The following TBCK variants were observed in gnomAD, a reference collection of about 807,000 sequenced individuals.
TBCK encodes the protein TBC domain-containing protein kinase-like protein.
A neutral mutation model predicts 113.4 loss-of-function variants in TBCK; 99 were observed. The observed-to-expected ratio is 0.87, with a 90% CI of 0.74 to 1.03. The LOEUF is 1.03. Among genes scored for constraint, TBCK ranks in the 50% least tolerant of loss-of-function variants. The pLI is 0.00. For missense variants in TBCK, 1,045 were observed against 1,061.3 expected (o/e 0.98, Z 0.21); for synonymous variants, 369 against 370.8 (o/e 1.00, Z 0.05).
intron 23 of TBCK, among the ~76,000 whole-genome samples, chr4:106,131,923 A>G (rs2149623159): frequency 6.6e-6 from 1 of 152,336 alleles, no homozygotes; most frequent in East Asian, 1.9e-4. Context: ...AGAGACTGGC[A>G]GCATTTGCCC....
At chr4:106,247,325 CAT>C (rs780771484) in intron 9 of TBCK, 38 bp from the exon 10 acceptor site, 1 of 1,593,826 alleles carries the variant, frequency 6.3e-7, no homozygotes, top group Non-Finnish European at 8.6e-7. Context: ...GAATGAAAGT[CAT>C]AAAAAATTTC....
intron 22 of TBCK, among the ~76,000 whole-genome samples, chr4:106,184,857 T>C (rs1752827193): frequency 6.6e-6 from 1 of 152,092 alleles, no homozygotes; most frequent in Admixed American, 6.6e-5. Context: ...TGCAATACAT[T>C]ACTGATATAT....
intron 23 of TBCK, among the ~76,000 whole-genome samples, chr4:106,120,907 T>G (rs1278539186): frequency 1.3e-5 from 2 of 152,092 alleles, no homozygotes; most frequent in Non-Finnish European, 2.9e-5. Context: ...AACGCAGAGC[T>G]CCTCTCCTCC....
Position 106,139,851 on chromosome 4 carries a change from C to T in TBCK, c.2236-23473G>A, listed in dbSNP as rs1746985871. On this transcript the variant is annotated intron_variant, in intron 23 of 25. Coordinates refer to ENST00000394708, the MANE Select transcript of TBCK (RefSeq NM_001163435.3). ...GCATCTCAGGGGTAAGCTAATTATT[C>T]ATTTAAGCTCTGAATAAAGTTCTAC... is the stretch of plus-strand genomic sequence containing the variant. 1.4e-5 allele frequency among the ~76,000 whole-genome samples: 2 copies of T among 140,672 alleles called. 1 individual carries two copies. The highest frequency in any genetic ancestry group is 3.2e-5 in the Non-Finnish European group (2 of 61,926). 92.3% of individuals were successfully genotyped at this position (140,672 alleles called of 152,430 possible).
intron 20 of TBCK, among the ~76,000 whole-genome samples, chr4:106,197,070 C>T (rs923608740): frequency 6.6e-6 from 1 of 151,944 alleles, no homozygotes; most frequent in Non-Finnish European, 1.5e-5. Flanking sequence ...GAGAGTGGTA[C>T]CTGAGAGAGG....
chr4:106,075,900 A>C (rs1212542269), intron 25 of TBCK, among the ~76,000 whole-genome samples: 1 of 152,236 alleles, frequency 6.6e-6, no homozygotes, highest in South Asian at 2.1e-4. Context: ...GAACACTGTG[A>C]TCTGTGAAAG....
chr4:106,168,375 A>G (rs1295396091), intron 23 of TBCK, among the ~76,000 whole-genome samples: 5 of 151,838 alleles, frequency 3.3e-5, no homozygotes, highest in African/African-American at 1.2e-4. Context: ...ACAAAAACCT[A>G]CAGCTCACAC....
At position 106,045,601 on chromosome 4, in the gene TBCK, G is replaced by A. The variant is rs1328448439; in HGVS notation, c.*969C>T. On this transcript the variant is annotated 3_prime_UTR_variant, in exon 26 of 26. Transcript: ENST00000394708. ...TCTGGCCAATGATATGTAAGCAGAG[G>A]TAGTGTGCGCAACTTCTGGTTTATG... is the stretch of plus-strand genomic sequence containing the variant. The A allele has an allele frequency of 6.6e-6, 1 of 152,174 alleles. No homozygotes were observed. The highest frequency in any genetic ancestry group is 1.9e-4 in the East Asian group (1 of 5,188). 9.4% of individuals were successfully genotyped at this position (152,174 alleles called of 1,614,324 possible).
chr4:106,218,953 A>G (rs1757332393), intron 19 of TBCK, among the ~76,000 whole-genome samples: 1 of 152,054 alleles, frequency 6.6e-6, no homozygotes, highest in South Asian at 2.1e-4. Flanking sequence ...CACGATAGCA[A>G]AGACTTGGAA....
At chr4:106,228,726 T>C (rs1758507081) in intron 19 of TBCK, among the ~76,000 whole-genome samples, 1 of 151,940 alleles carries the variant, frequency 6.6e-6, no homozygotes, top group Admixed American at 6.6e-5. Context: ...GATATCTCTC[T>C]GACACTCATT....
chr4:106,176,351 T>C lies in TBCK; in HGVS notation c.2060-5081A>G, dbSNP rs193063305. 5.9e-5 allele frequency among the ~76,000 whole-genome samples: 9 copies of C among 152,148 alleles called. 1 individual carries two copies. The East Asian group carries it at 1.7e-3, about 30-fold the overall frequency. On this transcript the variant is annotated intron_variant, in intron 22 of 25. Coordinates refer to ENST00000394708, the MANE Select transcript of TBCK (RefSeq NM_001163435.3). ...CCCCCAGCCCATTCTTCTTAGCCTC[T>C]AGCAACTATCAATCTACTCTCAACC...
chr4:106,068,510 G>A (rs182092064), intron 25 of TBCK, among the ~76,000 whole-genome samples: 133 of 152,176 alleles, frequency 8.7e-4, no homozygotes, highest in Non-Finnish European at 1.3e-3. Flanking sequence ...AATATTTCAT[G>A]GTGTATATGT....
intron 24 of TBCK, among the ~76,000 whole-genome samples, chr4:106,110,164 C>T (rs1278208090): frequency 7.2e-5 from 11 of 152,242 alleles, no homozygotes; most frequent in African/African-American, 2.7e-4. Context: ...ATGCCAGCAG[C>T]ACCAGCTTGT....
At chr4:106,252,233 C>T (rs1410220866) in intron 5 of TBCK, among the ~76,000 whole-genome samples, 1 of 151,992 alleles carries the variant, frequency 6.6e-6, no homozygotes, top group Non-Finnish European at 1.5e-5. Flanking sequence ...TCATGTCTCC[C>T]TCCAGCATTA....
At chr4:106,174,167 C>T (rs533152689) in intron 22 of TBCK, among the ~76,000 whole-genome samples, 1 of 152,040 alleles carries the variant, frequency 6.6e-6, no homozygotes, top group Non-Finnish European at 1.5e-5. Flanking sequence ...AGCTATTGTC[C>T]TGGAACTTCT....
At chr4:106,222,206 T>A (rs1757776891) in intron 19 of TBCK, among the ~76,000 whole-genome samples, 1 of 152,052 alleles carries the variant, frequency 6.6e-6, no homozygotes, top group African/African-American at 2.4e-5. Context: ...TTGTAAAACC[T>A]TATAACTTTT....
chr4:106,065,853 T>A (rs1448261916), intron 25 of TBCK, among the ~76,000 whole-genome samples: 1 of 152,060 alleles, frequency 6.6e-6, no homozygotes, highest in Non-Finnish European at 1.5e-5. Flanking sequence ...ACATGGTACC[T>A]TAAGTAAACT....
chr4:106,171,958 G>A (rs1219102972), intron 22 of TBCK, among the ~76,000 whole-genome samples: 1 of 152,006 alleles, frequency 6.6e-6, no homozygotes, highest in Non-Finnish European at 1.5e-5. Flanking sequence ...AGCCTTCCTA[G>A]AAGCTGGGAT....
At chr4:106,061,949 G>C (rs887184115) in intron 25 of TBCK, among the ~76,000 whole-genome samples, 1 of 151,656 alleles carries the variant, frequency 6.6e-6, no homozygotes, top group African/African-American at 2.4e-5. Flanking sequence ...AAACGCTTTG[G>C]CAATCAGATA....
Sources: allele counts gnomAD v4.1 joint callset (sites outside exome capture counted in the v4.1 genomes callset), GRCh38; gene constraint gnomAD v4.1.1; transcripts MANE v1.5; gene names NCBI Gene and HGNC (gene_info 2026-07-23, HGNC 2026-07-21).